RAB17: variants seen among roughly 807,000 people sequenced by gnomAD.
RAB17 encodes RAB17, member RAS oncogene family, also known as ras-related protein Rab-17.
RAB17 carries 15 observed loss-of-function variants against 19.3 expected under a neutral mutation model. The observed-to-expected ratio is 0.78, with a 90% confidence interval of 0.52 to 1.20. RAB17 has a LOEUF of 1.20. RAB17 is among the 50% of genes most tolerant of loss of function. The pLI is 0.00. For synonymous variants in RAB17, 110 were observed against 112.8 expected (o/e 0.97, Z 0.16); for missense variants, 262 against 269.3 (o/e 0.97, Z 0.19).
At chr2:237,586,242 G>A in intron 1 of RAB17, 85 bp from the exon 2 acceptor site, 3 of 1,434,462 alleles carry the variant, frequency 2.1e-6, no homozygotes, top group South Asian at 2.8e-5. Context: ...CTGCTTCTCG[G>A]TCAGGAGCAG....
chr2:237,574,632 A>T lies in RAB17; in HGVS notation c.*387T>A. 6.6e-7 allele frequency: 1 copy of T among 1,507,264 alleles called. No homozygotes were observed. Among genetic ancestry groups the T allele is most frequent in the Non-Finnish European group, 8.9e-7 (1 of 1,125,444 alleles). 93.4% of individuals were successfully genotyped at this position (1,507,264 alleles called of 1,614,324 possible). On this transcript the variant is annotated 3_prime_UTR_variant, in exon 6 of 6. Transcript: ENST00000264601. ...CCAGAAGCAGGTGGGCCCAGGCTCC[A>T]GGCCAGTGCCCCCATCAAGATCAGA...
rs1030653210 is a variant in RAB17 at position 237,586,227 on chromosome 2, C to T, written c.-3-70G>A. ...CACATCATCTCAGCAAGCTCAACCC[C>T]GGGGCTGCTTCTCGGTCAGGAGCAG... On this transcript the variant is annotated intron_variant, in intron 1 of 5. Coordinates refer to ENST00000264601, the MANE Select transcript of RAB17 (RefSeq NM_022449.4). 31 of 1,490,160 alleles carry T rather than the reference C, an allele frequency of 2.1e-5. 1 individual carries two copies. Among genetic ancestry groups the T allele is most frequent in the Non-Finnish European group, 2.7e-5 (30 of 1,115,856 alleles). The allele number at this position is 1,490,160 out of a possible 1,614,324, so 92.3% of individuals were successfully genotyped here.
chr2:237,588,186 A>G (rs958795209), intron 1 of RAB17, among the ~76,000 whole-genome samples: 6 of 151,888 alleles, frequency 4.0e-5, no homozygotes, highest in Non-Finnish European at 8.8e-5. Flanking sequence ...GGTCATGAGG[A>G]CTCTGCCCTC....
At chr2:237,586,521 T>A (rs1413847237) in intron 1 of RAB17, among the ~76,000 whole-genome samples, 1 of 152,140 alleles carries the variant, frequency 6.6e-6, no homozygotes, top group Non-Finnish European at 1.5e-5. Flanking sequence ...CCCCAAAGTA[T>A]CTAATGCAAG....
chr2:237,589,645 A>G (rs2081377632), intron 1 of RAB17, among the ~76,000 whole-genome samples: 1 of 152,218 alleles, frequency 6.6e-6, no homozygotes, highest in Non-Finnish European at 1.5e-5. Flanking sequence ...CAAAGAGAAA[A>G]TTAAAAGTGT....
intron 2 of RAB17, among the ~76,000 whole-genome samples, chr2:237,581,078 G>T (rs1456362034): frequency 6.6e-6 from 1 of 152,062 alleles, no homozygotes; most frequent in South Asian, 2.1e-4. Flanking sequence ...CATGGCTAAG[G>T]CCAAAATGTA....
intron 5 of RAB17, 38 bp downstream of exon 5, chr2:237,575,349 C>A (rs769998175): frequency 3.9e-6 from 6 of 1,521,502 alleles, no homozygotes; most frequent in East Asian, 2.3e-5. Context: ...CAGGGACAAG[C>A]ACCTCCCCCT....
At chr2:237,583,426 C>A (rs541252246) in intron 2 of RAB17, among the ~76,000 whole-genome samples, 1 of 152,206 alleles carries the variant, frequency 6.6e-6, no homozygotes, top group Non-Finnish European at 1.5e-5. Flanking sequence ...CAAGGTGTGA[C>A]GCAGACACTT....
At chr2:237,582,678 G>C (rs1050456817) in intron 2 of RAB17, among the ~76,000 whole-genome samples, 2 of 152,216 alleles carry the variant, frequency 1.3e-5, no homozygotes, top group East Asian at 1.9e-4. Context: ...AGCCACACGT[G>C]ACAAAAGAAG....
chr2:237,584,689 T>C (rs1025548782), intron 2 of RAB17, among the ~76,000 whole-genome samples: 2 of 152,296 alleles, frequency 1.3e-5, no homozygotes, highest in South Asian at 2.1e-4. Flanking sequence ...GCATCTTGAA[T>C]ACCAGCCACC....
chr2:237,578,658 TCCCCA>T (rs2081285151), intron 2 of RAB17: 1 of 155,192 alleles, frequency 6.4e-6, no homozygotes, highest in Non-Finnish European at 1.4e-5. Context: ...CCAATGCTGC[TCCCCA>T]CCAACACCCT....
intron 2 of RAB17, among the ~76,000 whole-genome samples, chr2:237,584,108 C>T (rs548306426): frequency 6.6e-6 from 1 of 152,020 alleles, no homozygotes; most frequent in Non-Finnish European, 1.5e-5. Flanking sequence ...GCCTCATTGT[C>T]GGGGCCTCCA....
At chr2:237,575,669 C>T (rs2081256814) in intron 4 of RAB17, 189 bp from the exon 5 acceptor site, 1 of 557,522 alleles carries the variant, frequency 1.8e-6, no homozygotes, top group East Asian at 2.9e-5. Flanking sequence ...GGGTGTGCTC[C>T]CTGGAAGAGG....
At chr2:237,586,848 T>C (rs1559399010) in intron 1 of RAB17, among the ~76,000 whole-genome samples, 2 of 152,212 alleles carry the variant, frequency 1.3e-5, no homozygotes, top group Non-Finnish European at 1.5e-5. Context: ...GCTCAGCCAT[T>C]TGTATCACTC....
chr2:237,590,245 T>C (rs752823327), intron 1 of RAB17, among the ~76,000 whole-genome samples: 2 of 152,096 alleles, frequency 1.3e-5, no homozygotes, highest in Non-Finnish European at 2.9e-5. Flanking sequence ...GAATCCGACT[T>C]AGTGAGCCAT....
At chr2:237,582,969 G>A (rs556580059) in intron 2 of RAB17, among the ~76,000 whole-genome samples, 1 of 152,158 alleles carries the variant, frequency 6.6e-6, no homozygotes, top group Non-Finnish European at 1.5e-5. Flanking sequence ...CAGCATGGTG[G>A]TATGCACCTG....
At chr2:237,576,469 G>A (rs78589303) in intron 4 of RAB17, 16,475 of 421,034 alleles carry the variant, frequency 0.039, 457 homozygotes, top group Non-Finnish European at 0.057. Flanking sequence ...TCAGACTGAC[G>A]CTGTCTCCCT....
chr2:237,586,253 A>G (rs2081350003), intron 1 of RAB17, 96 bp from the exon 2 acceptor site: 3 of 1,344,304 alleles, frequency 2.2e-6, no homozygotes, highest in Non-Finnish European at 3.0e-6. Context: ...TCAGGAGCAG[A>G]TGGCCCAATA....
chr2:237,574,920 G>T lies in RAB17; in HGVS notation c.*99C>A. The stretch of plus-strand genomic sequence containing the variant: ...CAACTTCCAGGAACATCTAGGGCTC[G>T]GGAGCAACCCAGCATTGACAGTGAA... On this transcript the variant is annotated 3_prime_UTR_variant, in exon 6 of 6. Transcript: ENST00000264601. 2.0e-6 allele frequency: 2 copies of T among 1,010,386 alleles called. No homozygotes were observed. The highest frequency in any genetic ancestry group is 2.7e-5 in the East Asian group (1 of 36,552). The allele number at this position is 1,010,386 out of a possible 1,614,324, so 62.6% of individuals were successfully genotyped here.
Sources: gnomAD v4.1 joint callset for allele counts (sites outside exome capture counted in the v4.1 genomes callset) on GRCh38, gnomAD v4.1.1 for gene constraint, MANE v1.5 for transcripts, NCBI Gene and HGNC (gene_info 2026-07-23, HGNC 2026-07-21) for gene names.